N4BP2: variants seen among roughly 807,000 people sequenced by gnomAD.
The protein encoded by N4BP2 is NEDD4 binding protein 2.
A neutral mutation model predicts 152.8 loss-of-function variants in N4BP2; 91 were observed. That is an observed-to-expected ratio of 0.60 (90% confidence interval 0.50 to 0.71). The LOEUF is 0.71. Ranked by LOEUF, N4BP2 falls within the 30% of genes least tolerant of loss-of-function variation. N4BP2 has a pLI of 0.00. For synonymous variants in N4BP2, 646 were observed against 705.3 expected (o/e 0.92, Z 1.33); for missense variants, 1,923 against 2,059.1 (o/e 0.93, Z 1.28).
the N4BP2 span, among the ~76,000 whole-genome samples, chr4:40,185,525 A>G: frequency 1.3e-5 from 2 of 152,198 alleles, no homozygotes; most frequent in Non-Finnish European, 2.9e-5. Flanking sequence ...ATTTTGAATA[A>G]TAAATACTAT....
At chr4:40,189,700 C>T in the N4BP2 span, among the ~76,000 whole-genome samples, 1 of 152,094 alleles carries the variant, frequency 6.6e-6, no homozygotes, top group African/African-American at 2.4e-5. This position sits in a 1 kb window ranked among gnomAD's most constrained non-coding sequence, Gnocchi z 4.3. Context: ...ACCAGTCTGG[C>T]CTACATGCTG....
Position 40,142,789 on chromosome 4 carries a change from G to GCAACA in N4BP2, c.4902_4903insCAACA (p.Glu1635GlnfsTer14). ...CTTTCCTTCACCAACAGAAGAGGATGGAGTGCTACAGCAAGGCCAAAGAAG... is the reference window on the plus strand; with the variant it reads ...CTTTCCTTCACCAACAGAAGAGGATGCAACAGAGTGCTACAGCAAGGCCAAAGAAG... On this transcript the variant is annotated frameshift_variant, in exon 15 of 18. Coordinates refer to ENST00000261435, the MANE Select transcript of N4BP2 (RefSeq NM_018177.6). LOFTEE classifies it high-confidence loss of function. The GCAACA allele has an allele frequency of 6.2e-7, 1 of 1,614,090 alleles. No individual in the cohort carries two copies. The highest frequency in any genetic ancestry group is 1.1e-5 in the South Asian group (1 of 91,086).
chr4:40,183,909 A>T, the N4BP2 span, among the ~76,000 whole-genome samples: 3 of 152,208 alleles, frequency 2.0e-5, no homozygotes, highest in Admixed American at 1.3e-4. Context: ...CACCCAAAGC[A>T]TGTAAGGAAG....
At chr4:40,074,546 G>C (rs1712536669) in intron 2 of N4BP2, among the ~76,000 whole-genome samples, 1 of 151,940 alleles carries the variant, frequency 6.6e-6, no homozygotes, top group African/African-American at 2.4e-5. Flanking sequence ...ATATTTGAGG[G>C]ACTAAAAAAA....
At chr4:40,066,317 T>TC (rs199834535) in intron 1 of N4BP2, among the ~76,000 whole-genome samples, 7,358 of 111,206 alleles carry the variant, frequency 0.066, 241 homozygotes, top group Non-Finnish European at 0.075. Context: ...TTTGTGATTT[T>TC]CCCTTTTTTT....
intron 5 of N4BP2, among the ~76,000 whole-genome samples, chr4:40,109,101 C>T (rs954214338): frequency 1.3e-5 from 2 of 152,176 alleles, no homozygotes; most frequent in East Asian, 3.8e-4. Context: ...AGACATGAGC[C>T]ACCACACCTG....
chr4:40,083,784 A>C (rs1303725328), intron 2 of N4BP2, among the ~76,000 whole-genome samples: 1 of 152,168 alleles, frequency 6.6e-6, no homozygotes, highest in Non-Finnish European at 1.5e-5. Context: ...ATATACTGGA[A>C]ACCACTGAAT....
intron 2 of N4BP2, among the ~76,000 whole-genome samples, chr4:40,090,952 A>AAAAAGTTGT (rs368159426): frequency 0.074 from 7,425 of 99,936 alleles, 1,233 homozygotes; most frequent in East Asian, 0.48. Context: ...AAAAAAAAAA[A>AAAAAGTTGT]AGTTTATAAG....
chr4:40,095,645 CAA>C (rs1294515879), intron 2 of N4BP2, among the ~76,000 whole-genome samples: 1 of 151,846 alleles, frequency 6.6e-6, no homozygotes, highest in Non-Finnish European at 1.5e-5. Flanking sequence ...ATGATAAGGG[CAA>C]TGGATAGTTA....
intron 14 of N4BP2, among the ~76,000 whole-genome samples, chr4:40,140,305 A>G (rs1459285344): frequency 6.6e-6 from 1 of 152,162 alleles, no homozygotes; most frequent in Non-Finnish European, 1.5e-5. Context: ...GCTGTCATGG[A>G]TAGATAGATG....
At chr4:40,181,385 C>T in the N4BP2 span, among the ~76,000 whole-genome samples, 1 of 152,150 alleles carries the variant, frequency 6.6e-6, no homozygotes, top group Non-Finnish European at 1.5e-5. Flanking sequence ...GATACTAGCT[C>T]ATCTTGTAGA....
intron 2 of N4BP2, chr4:40,083,003 C>T: frequency 3.9e-6 from 1 of 256,974 alleles, no homozygotes; most frequent in African/African-American, 2.3e-5. Context: ...CCCGGCCGGG[C>T]TGTATTCTTA....
chr4:40,104,195 A>G (rs978663980), intron 4 of N4BP2, among the ~76,000 whole-genome samples: 2 of 147,038 alleles, frequency 1.4e-5, no homozygotes, highest in East Asian at 2.0e-4. Context: ...CTCGTGATCC[A>G]CCCGCCCCGG....
chr4:40,101,359 C>T (rs1422532258), intron 3 of N4BP2, among the ~76,000 whole-genome samples: 3 of 152,102 alleles, frequency 2.0e-5, no homozygotes, highest in Non-Finnish European at 2.9e-5. Flanking sequence ...GGGGTTTCGC[C>T]ACGTTGGCTA....
chr4:40,076,285 G>C (rs908932947), intron 2 of N4BP2, among the ~76,000 whole-genome samples: 2 of 152,094 alleles, frequency 1.3e-5, no homozygotes, highest in Non-Finnish European at 2.9e-5. Flanking sequence ...AGGCCAGCCT[G>C]GCCATCATGG....
intron 8 of N4BP2, 23 bp from the exon 9 acceptor site, chr4:40,119,909 T>A: frequency 8.7e-7 from 1 of 1,149,506 alleles, no homozygotes; most frequent in African/African-American, 1.5e-5. Context: ...TTTCTCATGA[T>A]ACTCTTTAAA....
chr4:40,141,138 G>A (rs1204015441), intron 14 of N4BP2, among the ~76,000 whole-genome samples: 1 of 152,080 alleles, frequency 6.6e-6, no homozygotes, highest in African/African-American at 2.4e-5. Context: ...GCCGGGCAGA[G>A]GGGCTCCTCA....
chr4:40,059,554 T>C (rs1322131838), intron 1 of N4BP2, among the ~76,000 whole-genome samples: 1 of 151,990 alleles, frequency 6.6e-6, no homozygotes, highest in Non-Finnish European at 1.5e-5. Context: ...TTTGTCATGT[T>C]GGTGAGGCTG....
intron 15 of N4BP2, among the ~76,000 whole-genome samples, chr4:40,143,753 G>A (rs1720264364): frequency 6.6e-6 from 1 of 152,154 alleles, no homozygotes; most frequent in African/African-American, 2.4e-5. Flanking sequence ...AAATGTTGAA[G>A]GTGAACGCCA....
Sources: allele counts gnomAD v4.1 joint callset (sites outside exome capture counted in the v4.1 genomes callset), GRCh38; gene constraint gnomAD v4.1.1; non-coding constraint Gnocchi (gnomAD v3.1); transcripts MANE v1.5; gene names NCBI Gene and HGNC (gene_info 2026-07-23, HGNC 2026-07-21).